The following TIAM1 variants were observed in gnomAD, a reference collection of about 807,000 sequenced individuals.
The protein encoded by TIAM1 is TIAM Rac1 associated GEF 1.
A neutral mutation model predicts 163.5 loss-of-function variants in TIAM1; 65 were observed. The observed-to-expected ratio is 0.40, with a 90% CI of 0.33 to 0.49. The LOEUF is 0.49. Among genes scored for constraint, TIAM1 ranks in the 20% least tolerant of loss-of-function variants. The pLI is 0.77. For missense variants in TIAM1, 1,789 were observed against 2,044.7 expected (o/e 0.87, Z 2.41); for synonymous variants, 833 against 810.1 (o/e 1.03, Z -0.48).
chr21:31,453,982 T>C (rs1337073201), intron 2 of TIAM1, among the ~76,000 whole-genome samples: 2 of 152,156 alleles, frequency 1.3e-5, no homozygotes, highest in South Asian at 2.1e-4. Context: ...TCTTCCTCCA[T>C]AGACACATTT....
At chr21:31,283,013 A>T (rs991022652) in intron 2 of TIAM1, among the ~76,000 whole-genome samples, 1 of 152,206 alleles carries the variant, frequency 6.6e-6, no homozygotes, top group African/African-American at 2.4e-5. Context: ...TAGAGCGGTA[A>T]ATCTTTGACA....
chr21:31,120,880 C>A lies in TIAM1; in HGVS notation c.4307-43G>T. On this transcript the variant is annotated intron_variant, in intron 27 of 27. Coordinates refer to ENST00000541036, the MANE Select transcript of TIAM1 (RefSeq NM_001353694.2). This position sits in a 1 kb window ranked among gnomAD's most constrained non-coding sequence, Gnocchi z 4.2. ...AATATAAAAATAAAACCCCCACATG[C>A]TTTACGTGAGATGAAAATCCAGAAA... 2.0e-6 allele frequency: 3 copies of A among 1,514,088 alleles called. No homozygotes were observed. The highest frequency in any genetic ancestry group is 2.6e-6 in the Non-Finnish European group (3 of 1,132,514). 93.8% of individuals were successfully genotyped at this position (1,514,088 alleles called of 1,614,324 possible).
At chr21:31,507,454 A>C (rs143042771) in intron 1 of TIAM1, among the ~76,000 whole-genome samples, 9,334 of 151,566 alleles carry the variant, frequency 0.062, 750 homozygotes, top group African/African-American at 0.18. Flanking sequence ...TGATCTGCCC[A>C]CCTCAGCCTC....
At chr21:31,372,089 C>G (rs985745071) in intron 2 of TIAM1, among the ~76,000 whole-genome samples, 2 of 152,220 alleles carry the variant, frequency 1.3e-5, no homozygotes, top group African/African-American at 4.8e-5. Context: ...ATACTCCCAG[C>G]TCCCCAACGC....
At chr21:31,533,642 AG>A (rs1252867514) in intron 1 of TIAM1, among the ~76,000 whole-genome samples, 1 of 152,146 alleles carries the variant, frequency 6.6e-6, no homozygotes, top group Non-Finnish European at 1.5e-5. Flanking sequence ...CTGAGGTGGC[AG>A]GATCACTTAA....
intron 2 of TIAM1, among the ~76,000 whole-genome samples, chr21:31,373,055 C>CAAAAAA (rs71193110): frequency 9.6e-5 from 10 of 104,570 alleles, no homozygotes; most frequent in Non-Finnish European, 1.2e-4. Flanking sequence ...AACTCTGTCT[C>CAAAAAA]AAAAAAAAAA....
chr21:31,403,765 G>C (rs77589046), intron 2 of TIAM1, among the ~76,000 whole-genome samples: 2,100 of 152,160 alleles, frequency 0.014, 82 homozygotes, highest in East Asian at 0.13. Context: ...TCTGCTTGAT[G>C]CATCTTGCTT....
intron 2 of TIAM1, among the ~76,000 whole-genome samples, chr21:31,333,003 G>T (rs57161899): frequency 0.047 from 7,229 of 152,224 alleles, 562 homozygotes; most frequent in African/African-American, 0.16. Flanking sequence ...GGAGGCTGAG[G>T]CAGGAGGATT....
intron 22 of TIAM1, among the ~76,000 whole-genome samples, chr21:31,139,740 G>A (rs1409063654): frequency 6.6e-6 from 1 of 152,166 alleles, no homozygotes; most frequent in East Asian, 1.9e-4. Flanking sequence ...CTCATGCTCT[G>A]CTTGTAATGT....
At position 31,223,419 on chromosome 21, in the gene TIAM1, G is replaced by A. The variant is rs753473984; in HGVS notation, c.1982C>T (p.Ser661Leu). ...MGRLGIFSVSSFHALVAARTG... is the reference protein window; with the variant it reads ...MGRLGIFSVSLFHALVAARTG... ...GCTTCTACTCACCAGGGCATGAAAC[G>A]ATGATACCGAAAAGATTCCAAGGCG... is the stretch of plus-strand genomic sequence containing the variant. Residue 661 changes from serine (S) to leucine (L), a missense_variant, in exon 8 of 28, where the codon TCG becomes TTG. Ser to Leu is a moderately radical substitution (Grantham distance 145, BLOSUM62 -2). Around this residue, in one of 5 missense-constraint regions of TIAM1, gnomAD observed 456 missense variants for 586.6 expected, o/e 0.78. Coordinates refer to ENST00000541036, the MANE Select transcript of TIAM1 (RefSeq NM_001353694.2). 5 of 1,612,128 alleles carry A rather than the reference G, an allele frequency of 3.1e-6. No homozygotes were observed. The highest frequency in any genetic ancestry group is 2.2e-5 in the East Asian group (1 of 44,824).
In TIAM1 at chr21:31,318,318, T is replaced by C. The variant is rs116703874; in HGVS notation, c.-189+20925A>G. ...AAGGGTTTCACCATGTTGGCCACGCTGGTTTCGAACTCCTGAGCTCAAGTG... is the reference window on the plus strand; with the variant it reads ...AAGGGTTTCACCATGTTGGCCACGCCGGTTTCGAACTCCTGAGCTCAAGTG... On this transcript the variant is annotated intron_variant, in intron 2 of 27. Coordinates refer to ENST00000541036, the MANE Select transcript of TIAM1 (RefSeq NM_001353694.2). 5.5e-3 allele frequency among the ~76,000 whole-genome samples: 838 copies of C among 152,330 alleles called. 7 individuals carry two copies. Among genetic ancestry groups the C allele is most frequent in the African/African-American group, 0.019 (782 of 41,574 alleles).
chr21:31,513,909 A>G (rs1369936294), intron 1 of TIAM1, among the ~76,000 whole-genome samples: 1 of 152,190 alleles, frequency 6.6e-6, no homozygotes, highest in Admixed American at 6.5e-5. Context: ...CCGGAGGCTC[A>G]GGCAGGAGAA....
intron 6 of TIAM1, among the ~76,000 whole-genome samples, chr21:31,226,955 T>G (rs1431101382): frequency 6.6e-5 from 7 of 106,292 alleles, no homozygotes; most frequent in Non-Finnish European, 1.1e-4. Flanking sequence ...ATTCTGTGTT[T>G]TTTTTTTTTT....
intron 2 of TIAM1, among the ~76,000 whole-genome samples, chr21:31,325,931 A>G (rs143339556): frequency 1.3e-3 from 193 of 152,290 alleles, no homozygotes; most frequent in African/African-American, 4.4e-3. Context: ...GCATTTAGAA[A>G]TTGTTTAAAA....
chr21:31,207,782 G>T (rs1291249901), intron 11 of TIAM1, among the ~76,000 whole-genome samples: 7 of 152,148 alleles, frequency 4.6e-5, no homozygotes, highest in Admixed American at 3.3e-4. Flanking sequence ...TACAGATGGG[G>T]TTTTGCCATG....
intron 1 of TIAM1, among the ~76,000 whole-genome samples, chr21:31,514,275 T>C (rs890596228): frequency 1.3e-5 from 2 of 152,102 alleles, no homozygotes; most frequent in African/African-American, 2.4e-5. Context: ...AAGGCAATTA[T>C]CCAACCAATC....
chr21:31,524,903 TG>T (rs2047727132), intron 1 of TIAM1, among the ~76,000 whole-genome samples: 1 of 152,088 alleles, frequency 6.6e-6, no homozygotes, highest in African/African-American at 2.4e-5. Context: ...CCTGAGACTG[TG>T]TAATTACAAA....
intron 1 of TIAM1, among the ~76,000 whole-genome samples, chr21:31,555,429 T>TAC (rs2048841867): frequency 6.6e-6 from 1 of 152,120 alleles, no homozygotes. Context: ...GTATATAACA[T>TAC]ACACACACAC....
intron 2 of TIAM1, among the ~76,000 whole-genome samples, chr21:31,323,436 A>G (rs1472215378): frequency 2.0e-5 from 3 of 152,176 alleles, no homozygotes; most frequent in Admixed American, 6.5e-5. Context: ...GGCCAGGCGC[A>G]GTGGCTCATG....
Sources: gnomAD v4.1 joint callset for allele counts (sites outside exome capture counted in the v4.1 genomes callset) on GRCh38, gnomAD v4.1.1 for gene constraint, gnomAD v4.1.1 regional missense constraint, Gnocchi (gnomAD v3.1) non-coding constraint, MANE v1.5 for transcripts, NCBI Gene and HGNC (gene_info 2026-07-23, HGNC 2026-07-21) for gene names.